The following ASIC2 variants were observed in gnomAD, a reference collection of about 807,000 sequenced individuals.
ASIC2 encodes the protein acid sensing ion channel subunit 2, also known as acid-sensing ion channel 2.
A neutral mutation model predicts 57.3 loss-of-function variants in ASIC2; 25 were observed. That is an observed-to-expected ratio of 0.44 (90% CI 0.32 to 0.61). ASIC2 has a LOEUF of 0.61. ASIC2 is among the 20% of genes least tolerant of loss of function. The pLI, the probability that ASIC2 is intolerant of heterozygous loss-of-function variation, is 0.06. For missense variants in ASIC2, 641 were observed against 738.1 expected (o/e 0.87, Z 1.52); for synonymous variants, 319 against 307.5 (o/e 1.04, Z -0.39).
chr17:33,520,231 T>G (rs773320277), intron 1 of ASIC2, among the ~76,000 whole-genome samples: 4 of 152,192 alleles, frequency 2.6e-5, no homozygotes, highest in Non-Finnish European at 5.9e-5. Flanking sequence ...ATAGCTGTTC[T>G]ACTTGAAGAA....
intron 1 of ASIC2, among the ~76,000 whole-genome samples, chr17:33,673,497 C>A (rs965198677): frequency 6.6e-6 from 1 of 152,124 alleles, no homozygotes; most frequent in East Asian, 1.9e-4. Flanking sequence ...CTGATGCAAA[C>A]CCTTTTTTAA....
At chr17:33,916,214 C>T (rs960271539) in intron 1 of ASIC2, among the ~76,000 whole-genome samples, 2 of 152,160 alleles carry the variant, frequency 1.3e-5, no homozygotes, top group Non-Finnish European at 2.9e-5. Context: ...TGACCTGAGC[C>T]AGTTAGTGAT....
At chr17:33,305,697 C>T (rs941248626) in intron 1 of ASIC2, among the ~76,000 whole-genome samples, 6 of 151,858 alleles carry the variant, frequency 4.0e-5, no homozygotes, top group Non-Finnish European at 8.8e-5. Context: ...CTGTATAATC[C>T]GCGTAAGGAT....
intron 1 of ASIC2, among the ~76,000 whole-genome samples, chr17:33,167,659 G>C (rs1360908862): frequency 6.6e-6 from 1 of 152,158 alleles, no homozygotes; most frequent in Non-Finnish European, 1.5e-5. Flanking sequence ...TCCTCATTCT[G>C]GCATTCAAGG....
chr17:33,120,352 A>T (rs1452233682), intron 1 of ASIC2, among the ~76,000 whole-genome samples: 1 of 152,210 alleles, frequency 6.6e-6, no homozygotes, highest in Non-Finnish European at 1.5e-5. Flanking sequence ...AGATGTGTGA[A>T]TGCTATGCAG....
At chr17:33,810,963 C>T (rs1912403229) in intron 1 of ASIC2, among the ~76,000 whole-genome samples, 2 of 152,108 alleles carry the variant, frequency 1.3e-5, no homozygotes, top group Non-Finnish European at 1.5e-5. Flanking sequence ...AAATCAGTGA[C>T]TCTCCTATCC....
intron 1 of ASIC2, among the ~76,000 whole-genome samples, chr17:33,691,587 A>C (rs1908369273): frequency 1.3e-5 from 2 of 152,098 alleles, no homozygotes; most frequent in South Asian, 4.1e-4. Flanking sequence ...GTTAATTTTA[A>C]GGAGCTACTT....
intron 1 of ASIC2, among the ~76,000 whole-genome samples, chr17:33,881,091 A>G (rs317358): frequency 0.89 from 134,831 of 152,192 alleles, 59,888 homozygotes; most frequent in African/African-American, 0.95. Flanking sequence ...CAATAAATTA[A>G]GTATTGATAG....
chr17:33,311,082 A>C (rs970408616), intron 1 of ASIC2, among the ~76,000 whole-genome samples: 1 of 152,184 alleles, frequency 6.6e-6, no homozygotes, highest in African/African-American at 2.4e-5. Flanking sequence ...GCAAGACTCC[A>C]GTTCCATCCT....
chr17:33,764,314 C>A (rs1359930812), intron 1 of ASIC2, among the ~76,000 whole-genome samples: 11 of 123,036 alleles, frequency 8.9e-5, no homozygotes, highest in African/African-American at 3.9e-4. Context: ...AAGACTCTGT[C>A]TAAAAAAAAA....
At chr17:33,805,186 G>A (rs1052267225) in intron 1 of ASIC2, among the ~76,000 whole-genome samples, 18 of 151,890 alleles carry the variant, frequency 1.2e-4, no homozygotes, top group African/African-American at 4.1e-4. Context: ...CTTCCTCTTC[G>A]TCTAACTCTT....
chr17:33,881,314 T>A (rs567698615), intron 1 of ASIC2, among the ~76,000 whole-genome samples: 1 of 152,296 alleles, frequency 6.6e-6, no homozygotes, highest in East Asian at 1.9e-4. Context: ...AAAGAGGTAG[T>A]CAAATTGTCC....
intron 3 of ASIC2, among the ~76,000 whole-genome samples, chr17:33,066,984 C>A (rs536559398): frequency 6.6e-6 from 1 of 152,048 alleles, no homozygotes; most frequent in East Asian, 1.9e-4. Flanking sequence ...GAAGGTAAAC[C>A]TGGGATTGTA....
chr17:33,268,294 T>G (rs1466808100), intron 1 of ASIC2, among the ~76,000 whole-genome samples: 1 of 152,146 alleles, frequency 6.6e-6, no homozygotes, highest in Non-Finnish European at 1.5e-5. Flanking sequence ...AAACCCTAAC[T>G]GATATCCACC....
intron 1 of ASIC2, among the ~76,000 whole-genome samples, chr17:33,414,032 C>G (rs1478862886): frequency 6.6e-6 from 1 of 152,172 alleles, no homozygotes; most frequent in Non-Finnish European, 1.5e-5. Context: ...GACATGGGCC[C>G]TGAGCTTGCA....
At chr17:33,246,377 G>T (rs1334111419) in intron 1 of ASIC2, among the ~76,000 whole-genome samples, 2 of 152,162 alleles carry the variant, frequency 1.3e-5, no homozygotes, top group Non-Finnish European at 2.9e-5. Context: ...AGGATGAAAC[G>T]CCATGTGTAA....
intron 1 of ASIC2, among the ~76,000 whole-genome samples, chr17:33,613,875 A>G (rs775160552): frequency 2.6e-5 from 4 of 151,928 alleles, no homozygotes; most frequent in Non-Finnish European, 5.9e-5. Flanking sequence ...CTACTGAGGG[A>G]CTCTTTGCTT....
chr17:33,339,296 G>T (rs1047172777), intron 1 of ASIC2, among the ~76,000 whole-genome samples: 1 of 152,110 alleles, frequency 6.6e-6, no homozygotes, highest in African/African-American at 2.4e-5. Flanking sequence ...CAGTTCTACA[G>T]GTCTGGGGGC....
chr17:33,724,981 G>A (rs1909500597), intron 1 of ASIC2, among the ~76,000 whole-genome samples: 1 of 152,222 alleles, frequency 6.6e-6, no homozygotes, highest in South Asian at 2.1e-4. Flanking sequence ...TGAACATGCA[G>A]CTGCTGGTCT....
Sources: gnomAD v4.1 joint callset for allele counts (sites outside exome capture counted in the v4.1 genomes callset) on GRCh38, gnomAD v4.1.1 for gene constraint, MANE v1.5 for transcripts, NCBI Gene and HGNC (gene_info 2026-07-23, HGNC 2026-07-21) for gene names.